RAPGEF1: variants seen among roughly 807,000 people sequenced by gnomAD.
The protein encoded by RAPGEF1 is Rap guanine nucleotide exchange factor 1.
In RAPGEF1, 33 loss-of-function variants were observed where a neutral mutation model predicts 143.3. The observed-to-expected ratio is 0.23, with a 90% CI of 0.17 to 0.31. The LOEUF (loss-of-function observed/expected upper bound fraction) is 0.31, where lower values mean the gene tolerates loss of function less well. Ranked by LOEUF, RAPGEF1 falls within the 10% of genes least tolerant of loss-of-function variation. The pLI, the probability that RAPGEF1 is intolerant of heterozygous loss-of-function variation, is 1.00. For synonymous variants in RAPGEF1, 629 were observed against 676.5 expected (o/e 0.93, Z 1.09); for missense variants, 1,199 against 1,645.4 (o/e 0.73, Z 4.69).
chr9:131,589,964 G>A lies in RAPGEF1; in HGVS notation c.2789C>T (p.Ser930Phe), dbSNP rs1228127493. 1.2e-6 allele frequency: 2 copies of A among 1,613,552 alleles called. No individual in the cohort carries two copies. Among genetic ancestry groups the A allele is most frequent in the African/African-American group, 1.3e-5 (1 of 74,874 alleles). ...CTTCTTGAATGTGTCGGCAAAGGGAGAGAATTTCTCATATGTGGAGCACGG... is the reference window on the plus strand; with the variant it reads ...CTTCTTGAATGTGTCGGCAAAGGGAAAGAATTTCTCATATGTGGAGCACGG... ...KKLQYRYEKF[S>F]PFADTFKKRV... Residue 930 changes from serine (S) to phenylalanine (F), a missense_variant, in exon 19 of 27, where the codon TCT becomes TTT. Coordinates refer to ENST00000683357, the MANE Select transcript of RAPGEF1 (RefSeq NM_001377935.1).
intron 1 of RAPGEF1, among the ~76,000 whole-genome samples, chr9:131,674,641 C>T (rs752090): frequency 0.087 from 13,283 of 152,194 alleles, 669 homozygotes; most frequent in Middle Eastern, 0.26. Flanking sequence ...AGGTGGGAAC[C>T]GCTGGCTAGA....
intron 19 of RAPGEF1, among the ~76,000 whole-genome samples, chr9:131,589,259 G>A (rs1953759395): frequency 6.6e-6 from 1 of 152,196 alleles, no homozygotes; most frequent in Admixed American, 6.5e-5. Context: ...TGGGCTGCAG[G>A]GACAAGTCCT....
At chr9:131,636,063 G>T (rs1588646955) in intron 5 of RAPGEF1, among the ~76,000 whole-genome samples, 1 of 152,212 alleles carries the variant, frequency 6.6e-6, no homozygotes, top group African/African-American at 2.4e-5. Context: ...CTCTTCCTTG[G>T]GGAAGCGTCT....
At chr9:131,634,732 A>T (rs1965878316) in intron 5 of RAPGEF1, among the ~76,000 whole-genome samples, 1 of 151,086 alleles carries the variant, frequency 6.6e-6, no homozygotes, top group Non-Finnish European at 1.5e-5. Context: ...AAAAAAAAAA[A>T]AAAAAAAGAA....
At chr9:131,664,621 C>T (rs1484876289) in intron 1 of RAPGEF1, among the ~76,000 whole-genome samples, 3 of 152,096 alleles carry the variant, frequency 2.0e-5, no homozygotes, top group Non-Finnish European at 2.9e-5. Context: ...ACAATAAACA[C>T]AAAATTTCTT....
At chr9:131,703,530 T>A (rs1483744023) in intron 1 of RAPGEF1, among the ~76,000 whole-genome samples, 1 of 152,024 alleles carries the variant, frequency 6.6e-6, no homozygotes, top group Non-Finnish European at 1.5e-5. Context: ...CCTCACAACA[T>A]CCTATGAAGT....
In RAPGEF1 at chr9:131,621,596, T is replaced by G. The variant is rs974345374; in HGVS notation, c.1905+200A>C. Among the ~76,000 whole-genome samples the G allele has an allele frequency of 3.3e-5, 5 of 152,064 alleles. No individual in the cohort carries two copies. The highest frequency in any genetic ancestry group is 7.2e-5 in the African/African-American group (3 of 41,404). On this transcript the variant is annotated intron_variant, in intron 11 of 26. Coordinates refer to ENST00000683357, the MANE Select transcript of RAPGEF1 (RefSeq NM_001377935.1). This position sits in a 1 kb window ranked among gnomAD's most constrained non-coding sequence, Gnocchi z 4.5. Reference sequence around the variant, plus strand: ...CCTGCACCCCAGGGTGGGGAGGTGGTGGAGTGGGCGCTGGGCTGCTGGTGA... The same window carrying G: ...CCTGCACCCCAGGGTGGGGAGGTGGGGGAGTGGGCGCTGGGCTGCTGGTGA...
intron 1 of RAPGEF1, among the ~76,000 whole-genome samples, chr9:131,720,477 C>T (rs184851724): frequency 6.6e-6 from 1 of 152,320 alleles, no homozygotes; most frequent in African/African-American, 2.4e-5. Context: ...CTCAGCCCAA[C>T]CACAGACCTA....
chr9:131,611,131 G>A (rs1957967140), intron 12 of RAPGEF1, among the ~76,000 whole-genome samples: 2 of 152,186 alleles, frequency 1.3e-5, no homozygotes, highest in Admixed American at 6.5e-5. Context: ...CAAGTGGTAG[G>A]TTCTGAGGCC....
At chr9:131,697,554 G>A (rs536287549) in intron 1 of RAPGEF1, among the ~76,000 whole-genome samples, 80 of 152,298 alleles carry the variant, frequency 5.3e-4, no homozygotes, top group African/African-American at 1.9e-3. Context: ...TATACACCCA[G>A]GACACACTGC....
chr9:131,734,645 G>A (rs1184453257), intron 1 of RAPGEF1, among the ~76,000 whole-genome samples: 2 of 152,164 alleles, frequency 1.3e-5, no homozygotes, highest in Non-Finnish European at 2.9e-5. Flanking sequence ...CAAATTTGAC[G>A]AGTTTAAAAT....
At chr9:131,642,146 T>C (rs945069651) in intron 4 of RAPGEF1, among the ~76,000 whole-genome samples, 2 of 152,230 alleles carry the variant, frequency 1.3e-5, no homozygotes, top group African/African-American at 4.8e-5. Flanking sequence ...CTTTTCTTTT[T>C]ACATTTAACA....
At position 131,583,238 on chromosome 9, in the gene RAPGEF1, G is replaced by C. The variant is rs1043108215; in HGVS notation, c.3415-536C>G. ...GACTCAGCCAGCCCTGCCCCACTCAGAAGGCCCCTCTCCTGCCTCTTCTCC... is the reference window on the plus strand; with the variant it reads ...GACTCAGCCAGCCCTGCCCCACTCACAAGGCCCCTCTCCTGCCTCTTCTCC... On this transcript the variant is annotated intron_variant, in intron 24 of 26. Transcript: ENST00000683357. This position sits in a 1 kb window ranked among gnomAD's most constrained non-coding sequence, Gnocchi z 4.7. Among the ~76,000 whole-genome samples, 3 of 152,148 alleles carry C rather than the reference G, an allele frequency of 2.0e-5. No homozygotes were observed. The highest frequency in any genetic ancestry group is 4.4e-5 in the Non-Finnish European group (3 of 68,012).
Position 131,621,848 on chromosome 9 carries a change from G to A in RAPGEF1, c.1853C>T (p.Ser618Phe), listed in dbSNP as rs777292477. The A allele has an allele frequency of 6.2e-7, 1 of 1,611,598 alleles. No homozygotes were observed. Among genetic ancestry groups the A allele is most frequent in the South Asian group, 1.1e-5 (1 of 90,604 alleles). ...GGGCGGCGGGGCCAGCTCCTGCACG[G>A]AGTCCACCCCACTGAAGGAGTCGCT... ...GFSDSFSGVD[S>F]VQELAPPPAL... Residue 618 changes from serine to phenylalanine, a missense_variant, in exon 11 of 27, where the codon TCC becomes TTC. Ser to Phe is a radical substitution (Grantham distance 155, BLOSUM62 -2). Transcript: ENST00000683357. The surrounding 1 kb of genome is among the most constrained non-coding windows in gnomAD (Gnocchi z 4.5).
rs371280631 is a variant in RAPGEF1, at chr9:131,602,193, G to T, written c.2413-44C>A. The T allele has an allele frequency of 4.2e-6, 6 of 1,432,564 alleles. No individual in the cohort carries two copies. The African/African-American group carries it at 5.6e-5, about 13-fold the overall frequency. 88.7% of individuals were successfully genotyped at this position (1,432,564 alleles called of 1,614,324 possible). On this transcript the variant is annotated intron_variant, in intron 14 of 26. Coordinates refer to ENST00000683357, the MANE Select transcript of RAPGEF1 (RefSeq NM_001377935.1). ...GCTGAGTTCTGGACAGGGGCCCTCT[G>T]CGGGGCTGCTCTGTCTTCCCAGCAT...
intron 1 of RAPGEF1, among the ~76,000 whole-genome samples, chr9:131,721,029 G>T (rs1036921065): frequency 1.3e-5 from 2 of 152,100 alleles, no homozygotes; most frequent in Non-Finnish European, 1.5e-5. Context: ...GCTTCTAGGA[G>T]TGACTGGAAC....
intron 1 of RAPGEF1, among the ~76,000 whole-genome samples, chr9:131,672,078 G>A (rs1014065992): frequency 3.3e-5 from 5 of 152,098 alleles, no homozygotes; most frequent in Admixed American, 6.5e-5. Flanking sequence ...GGTGAAGACC[G>A]CAAACCTAGC....
At position 131,579,432 on chromosome 9, in the gene RAPGEF1, C is replaced by A; in HGVS notation, c.*65G>T. ...GCCATGCGCCTAACAGGTCCAAGGT[C>A]CTCTCCGGTCTGGGAGCTGCCCTCT... is the stretch of plus-strand genomic sequence containing the variant. On this transcript the variant is annotated 3_prime_UTR_variant, in exon 27 of 27. Transcript: ENST00000683357. 6.3e-7 allele frequency: 1 copy of A among 1,577,124 alleles called. No individual in the cohort carries two copies. Among genetic ancestry groups the A allele is most frequent in the Non-Finnish European group, 8.6e-7 (1 of 1,159,334 alleles).
chr9:131,640,061 T>C (rs1967427280), intron 4 of RAPGEF1, among the ~76,000 whole-genome samples: 1 of 152,076 alleles, frequency 6.6e-6, no homozygotes. Context: ...AAAGCCAGGA[T>C]TGGGTATTTT....
Sources: allele counts gnomAD v4.1 joint callset (sites outside exome capture counted in the v4.1 genomes callset), GRCh38; gene constraint gnomAD v4.1.1; non-coding constraint Gnocchi (gnomAD v3.1); transcripts MANE v1.5; gene names NCBI Gene and HGNC (gene_info 2026-07-23, HGNC 2026-07-21).